Variants in CHRNB4 observed in about 807,000 individuals in gnomAD.
The protein encoded by CHRNB4 is neuronal acetylcholine receptor subunit beta-4.
Under a neutral mutation model 40.4 loss-of-function variants are expected in CHRNB4, and 23 were observed. The ratio of observed to expected loss-of-function variants is 0.57; its 90% confidence interval spans 0.41 to 0.81. The LOEUF (loss-of-function observed/expected upper bound fraction) is 0.81, where lower values mean the gene tolerates loss of function less well. CHRNB4 is among the 30% of genes least tolerant of loss of function. CHRNB4 has a pLI of 0.00. For missense variants in CHRNB4, 568 were observed against 670.6 expected, an observed-to-expected ratio of 0.85 and a Z score of 1.69; for synonymous variants, 285 against 274.4, an observed-to-expected ratio of 1.04 and a Z score of -0.38.
At chr15:78,636,506 C>G (rs2098003645) in intron 1 of CHRNB4, among the ~76,000 whole-genome samples, 1 of 152,134 alleles carries the variant, frequency 6.6e-6, no homozygotes. Flanking sequence ...GATTTTCTCC[C>G]ACCTCTCTAC....
rs769692180 is a variant in CHRNB4, at chr15:78,631,081, G to A, written c.354C>T (p.Tyr118=). The A allele has an allele frequency of 1.5e-5, 24 of 1,613,800 alleles. No individual in the cohort carries two copies. Among genetic ancestry groups the A allele is most frequent in the Admixed American group, 5.0e-5 (3 of 60,026 alleles). The part of the protein sequence containing the change: ...KRIWLPDIVL[Y]NNADGTYEVS... ...CCACCAACCCTGCCACTCACTTGTT[G>A]TAAAGCACGATGTCAGGCAACCAGA... The change falls in exon 4 of 6, where the codon TAC becomes TAT. Residue 118 remains tyrosine (Y), a synonymous_variant. Coordinates refer to ENST00000261751, the MANE Select transcript of CHRNB4 (RefSeq NM_000750.5).
rs1269967395 is a variant in CHRNB4, at chr15:78,625,186, G to C, written c.1444C>G (p.Leu482Val). The stretch of plus-strand genomic sequence containing the variant: ...TCAGAAGCTGCATGGGTCTGGAAGA[G>C]GGGCGGTAGGAAGAGCCCCACAGTG... ...LGTVGLFLPP[L>V]FQTHAASEGP... Residue 482 changes from leucine to valine, a missense_variant, in exon 6 of 6, where the codon CTC (leucine) becomes GTC (valine). By Grantham distance (32) the Leu-to-Val change is conservative. Transcript: ENST00000261751. 3 of 1,611,582 alleles carry C rather than the reference G, an allele frequency of 1.9e-6. No homozygotes were observed. The highest frequency in any genetic ancestry group is 2.5e-6 in the Non-Finnish European group (3 of 1,178,932).
exon 1 of CHRNB4, chr15:78,660,517 C>T (rs940927941): frequency 1.3e-5 from 2 of 152,582 alleles, no homozygotes; most frequent in Admixed American, 1.3e-4. Flanking sequence ...CTTACCTCTG[C>T]TTTCCCATCA....
At chr15:78,631,003 TG>T in intron 4 of CHRNB4, 72 bp downstream of exon 4, 1 of 1,212,732 alleles carries the variant, frequency 8.2e-7, no homozygotes. Flanking sequence ...GACTCAGGCC[TG>T]GATGACTCTT....
rs556338828 is a variant in CHRNB4, at chr15:78,652,425, G to A, written c.-16+153C>T. ...AGTGGGGCCTGAGGACATGGGTCAG[G>A]GCTGACTCAGACATGAGGCCTTGTG... On this transcript the variant is annotated intron_variant and NMD_transcript_variant, in intron 6 of 11. Coordinates refer to the CHRNB4 transcript ENST00000559849. Among the ~76,000 whole-genome samples, 15 of 152,366 alleles carry A rather than the reference G, an allele frequency of 9.8e-5. No homozygotes were observed. The East Asian group carries it at 2.7e-3, about 27-fold the overall frequency.
chr15:78,634,793 C>G, intron 2 of CHRNB4: 1 of 455,918 alleles, frequency 2.2e-6, no homozygotes, highest in Non-Finnish European at 4.4e-6. Context: ...CCTCTGACAT[C>G]TCCAACTCAG....
chr15:78,648,408 AG>A (rs1393452892), intron 7 of CHRNB4, among the ~76,000 whole-genome samples: 1 of 147,896 alleles, frequency 6.8e-6, no homozygotes, highest in African/African-American at 2.5e-5. Context: ...AAAAAAAAAA[AG>A]GAAAAAGAAA....
intron 5 of CHRNB4, chr15:78,627,342 G>T (rs1469615895): frequency 1.3e-5 from 2 of 152,244 alleles, no homozygotes; most frequent in African/African-American, 2.4e-5. Flanking sequence ...TGGGGCCTGA[G>T]ACTCTGCATT....
In CHRNB4 at chr15:78,629,778, T is replaced by C. The variant is rs768602210; in HGVS notation, c.527A>G (p.Tyr176Cys). Residue 176 changes from tyrosine to cysteine, a missense_variant, in exon 5 of 6, where the codon TAT becomes TGT. Tyr to Cys is a radical substitution (Grantham distance 194, BLOSUM62 -2). Transcript: ENST00000261751. This position sits in a 1 kb window ranked among gnomAD's most constrained non-coding sequence, Gnocchi z 6.8. Reference sequence around the variant, plus strand: ...GACCATGTCTATCTCCGTGTGGTCATAGGTCCAGGAGCGGAACTTGAGGGT... The same window carrying C: ...GACCATGTCTATCTCCGTGTGGTCACAGGTCCAGGAGCGGAACTTGAGGGT... The part of the protein sequence containing the change: ...NCTLKFRSWT[Y>C]DHTEIDMVLM... The C allele has an allele frequency of 3.7e-6, 6 of 1,614,110 alleles. No homozygotes were observed. The highest frequency in any genetic ancestry group is 1.6e-4 in the Middle Eastern group (1 of 6,062).
intron 7 of CHRNB4, among the ~76,000 whole-genome samples, chr15:78,646,702 G>C (rs1002898424): frequency 6.6e-6 from 1 of 152,154 alleles, no homozygotes; most frequent in African/African-American, 2.4e-5. Flanking sequence ...ATCCCATCAC[G>C]AGAGCTCCAC....
upstream of CHRNB4, chr15:78,661,232 G>C: frequency 3.3e-6 from 2 of 608,800 alleles, no homozygotes; most frequent in Non-Finnish European, 6.4e-6. Context: ...TCCAGGGCCA[G>C]CTGGTCAAAA....
chr15:78,642,775 TATA>T (rs2054092306), upstream of CHRNB4, among the ~76,000 whole-genome samples: 1 of 152,226 alleles, frequency 6.6e-6, no homozygotes, highest in South Asian at 2.1e-4. Flanking sequence ...TTGAGAATAA[TATA>T]ATCTTGGTAC....
At chr15:78,639,571 T>A (rs1293879673) in intron 1 of CHRNB4, among the ~76,000 whole-genome samples, 1 of 152,206 alleles carries the variant, frequency 6.6e-6, no homozygotes, top group Non-Finnish European at 1.5e-5. Flanking sequence ...GTGCTGGGAT[T>A]ACAAGTGTGA....
At chr15:78,645,072 T>C (rs114586676), upstream of CHRNB4, among the ~76,000 whole-genome samples, 1,770 of 152,048 alleles carry the variant, frequency 0.012, 36 homozygotes, top group African/African-American at 0.034. Context: ...GCACCTTCCA[T>C]ACGCAAACCA....
Position 78,639,367 on chromosome 15 carries a change from C to T in CHRNB4, c.55+1712G>A, listed in dbSNP as rs572179726. On this transcript the variant is annotated intron_variant, in intron 1 of 5. Coordinates refer to ENST00000261751, the MANE Select transcript of CHRNB4 (RefSeq NM_000750.5). Reference sequence around the variant, plus strand: ...CTGGAGTGCAGTGGCATGATCTCAGCTCACTGCTGCAACCTCCACCTCCCG... The same window carrying T: ...CTGGAGTGCAGTGGCATGATCTCAGTTCACTGCTGCAACCTCCACCTCCCG... Among the ~76,000 whole-genome samples, 11 of 152,328 alleles carry T rather than the reference C, an allele frequency of 7.2e-5. No individual in the cohort carries two copies. The East Asian group carries it at 2.1e-3, about 29-fold the overall frequency.
chr15:78,641,135 G>A lies in CHRNB4; in HGVS notation c.-2C>T. Reference sequence around the variant, plus strand: ...GACCAGGGAAGGCGCGCGCCTCATGGCCGGCGGGGCCGGGTGGCAGCCGCC... The same window carrying A: ...GACCAGGGAAGGCGCGCGCCTCATGACCGGCGGGGCCGGGTGGCAGCCGCC... On this transcript the variant is annotated 5_prime_UTR_variant, in exon 1 of 6. Coordinates refer to ENST00000261751, the MANE Select transcript of CHRNB4 (RefSeq NM_000750.5). 1 of 1,555,320 alleles carries A rather than the reference G, an allele frequency of 6.4e-7. No homozygotes were observed. Among genetic ancestry groups the A allele is most frequent in the Non-Finnish European group, 8.7e-7 (1 of 1,152,128 alleles).
rs775622988 is a variant in CHRNB4 at position 78,625,232 on chromosome 15, G to A, written c.1398C>T (p.Phe466=). ...CAGTGCCCAGGACGCACACAAACAT[G>A]AACACCCACAGGAACAGCCGGTCCA... ...MVVDRLFLWV[F]MFVCVLGTVG... is the part of the protein sequence containing the mutation. The change falls in exon 6 of 6, where the codon TTC becomes TTT. Residue 466 remains phenylalanine, a synonymous_variant. Coordinates refer to ENST00000261751, the MANE Select transcript of CHRNB4 (RefSeq NM_000750.5). 1.9e-6 allele frequency: 3 copies of A among 1,585,848 alleles called. No individual in the cohort carries two copies. The African/African-American group carries it at 4.1e-5, about 22-fold the overall frequency.
intron 1 of CHRNB4, among the ~76,000 whole-genome samples, chr15:78,636,735 C>A (rs1488372953): frequency 6.6e-6 from 1 of 152,038 alleles, no homozygotes; most frequent in Non-Finnish European, 1.5e-5. Flanking sequence ...AGGTGTGCAC[C>A]ACCACACCCA....
upstream of CHRNB4, chr15:78,661,269 C>T (rs747493740): frequency 5.3e-5 from 32 of 603,520 alleles, no homozygotes; most frequent in Non-Finnish European, 9.4e-5. Context: ...CTGCCCCGCC[C>T]TGAGGATGCG....
Sources: allele counts gnomAD v4.1 joint callset (sites outside exome capture counted in the v4.1 genomes callset), GRCh38; gene constraint gnomAD v4.1.1; non-coding constraint Gnocchi (gnomAD v3.1); transcripts MANE v1.5; gene names NCBI Gene and HGNC (gene_info 2026-07-23, HGNC 2026-07-21).